The following PLEKHH2 variants were observed in gnomAD, a reference collection of about 807,000 sequenced individuals.
The protein encoded by PLEKHH2 is pleckstrin homology domain-containing family H member 2.
Under a neutral mutation model 187.9 loss-of-function variants are expected in PLEKHH2, and 129 were observed. The ratio of observed to expected loss-of-function variants is 0.69; its 90% CI spans 0.59 to 0.79. The LOEUF (loss-of-function observed/expected upper bound fraction) is 0.79, where lower values mean the gene tolerates loss of function less well. Ranked by LOEUF, PLEKHH2 falls within the 30% of genes least tolerant of loss-of-function variation. The pLI is 0.00. For missense variants in PLEKHH2, 2,076 were observed against 1,751.2 expected (o/e 1.19, Z -3.31); for synonymous variants, 686 against 605.6 (o/e 1.13, Z -1.95).
At chr2:43,644,965 C>CA (rs1252857374) in intron 2 of PLEKHH2, among the ~76,000 whole-genome samples, 169 bp downstream of exon 2, 2 of 152,112 alleles carry the variant, frequency 1.3e-5, no homozygotes. Context: ...GACTTTAAGA[C>CA]AAAAAATATT....
chr2:43,729,808 C>T, intron 18 of PLEKHH2, 63 bp downstream of exon 18: 3 of 1,155,176 alleles, frequency 2.6e-6, no homozygotes, highest in Non-Finnish European at 3.6e-6. Flanking sequence ...ACCCGCTTAG[C>T]CTAATGGAGT....
At chr2:43,648,365 T>C (rs891422531) in intron 2 of PLEKHH2, among the ~76,000 whole-genome samples, 1 of 152,016 alleles carries the variant, frequency 6.6e-6, no homozygotes, top group African/African-American at 2.4e-5. Flanking sequence ...ATTTTTGTGT[T>C]TTTAGTAGAG....
chr2:43,764,268 T>A lies in PLEKHH2; in HGVS notation c.4199T>A (p.Phe1400Tyr). The change falls in exon 29 of 30, where the codon TTT (phenylalanine) becomes TAT (tyrosine). Residue 1400 changes from phenylalanine to tyrosine, a missense_variant. Transcript: ENST00000282406. Reference protein sequence around the residue: ...VSYVYKSLMTFGGYQDDFMVV... With the variant: ...VSYVYKSLMTYGGYQDDFMVV... ...TATGTGTACAAGAGTCTAATGACCT[T>A]TGGAGGCTATCAAGATGATTTTATG... 1 of 1,581,820 alleles carries A rather than the reference T, an allele frequency of 6.3e-7. No individual in the cohort carries two copies. Among genetic ancestry groups the A allele is most frequent in the Non-Finnish European group, 8.6e-7 (1 of 1,161,028 alleles).
At chr2:43,716,744 C>A (rs930139445) in intron 15 of PLEKHH2, among the ~76,000 whole-genome samples, 2 of 152,196 alleles carry the variant, frequency 1.3e-5, no homozygotes, top group Admixed American at 1.3e-4. Flanking sequence ...TACCACGTAT[C>A]TTTCAAGATG....
chr2:43,713,976 G>T (rs985693534), intron 15 of PLEKHH2, among the ~76,000 whole-genome samples: 2 of 152,250 alleles, frequency 1.3e-5, no homozygotes, highest in South Asian at 2.1e-4. Flanking sequence ...TATGTACTAT[G>T]TTTTTTCTAA....
intron 3 of PLEKHH2, chr2:43,680,926 G>A (rs934309039): frequency 2.9e-5 from 21 of 714,910 alleles, no homozygotes; most frequent in African/African-American, 2.9e-4. Context: ...TTATGTCCAG[G>A]GCCACTTTAG....
intron 15 of PLEKHH2, among the ~76,000 whole-genome samples, chr2:43,715,672 A>G (rs750624564): frequency 2.6e-5 from 4 of 152,206 alleles, no homozygotes; most frequent in Non-Finnish European, 5.9e-5. Flanking sequence ...AGTAGAAGAG[A>G]TAAAGATGCC....
chr2:43,683,142 C>CTTTTTTTTTTTTTTTTTTTTTTTCCCTT (rs34805310), intron 3 of PLEKHH2, among the ~76,000 whole-genome samples: 1 of 94,564 alleles, frequency 1.1e-5, no homozygotes, highest in Non-Finnish European at 2.0e-5. Flanking sequence ...TTTATATACC[C>CTTTTTTTTTTTTTTTTTTTTTTTCCCTT]TTTTTTTTTT....
At chr2:43,639,195 A>G (rs908487197) in intron 1 of PLEKHH2, among the ~76,000 whole-genome samples, 1 of 152,204 alleles carries the variant, frequency 6.6e-6, no homozygotes, top group Non-Finnish European at 1.5e-5. Context: ...ATGCAGTCCT[A>G]GTATACATCC....
intron 2 of PLEKHH2, among the ~76,000 whole-genome samples, chr2:43,666,138 T>A (rs989083941): frequency 5.3e-5 from 8 of 149,744 alleles, no homozygotes; most frequent in African/African-American, 2.0e-4. Context: ...TCCGTGGGCG[T>A]AGGACCCTCC....
At chr2:43,694,763 A>C (rs1436013197) in intron 5 of PLEKHH2, among the ~76,000 whole-genome samples, 1 of 152,192 alleles carries the variant, frequency 6.6e-6, no homozygotes, top group Non-Finnish European at 1.5e-5. Context: ...TTTTAGTTCT[A>C]ATTAATTTCA....
chr2:43,653,203 A>G (rs1206064744), intron 2 of PLEKHH2, among the ~76,000 whole-genome samples: 2 of 152,196 alleles, frequency 1.3e-5, no homozygotes, highest in South Asian at 2.1e-4. Context: ...AGAACCTACC[A>G]TAACAGATTA....
intron 2 of PLEKHH2, among the ~76,000 whole-genome samples, chr2:43,654,267 T>C (rs751927774): frequency 4.6e-5 from 7 of 152,000 alleles, no homozygotes; most frequent in Non-Finnish European, 1.0e-4. Flanking sequence ...AGATCTCGGC[T>C]CACTGCAACC....
At position 43,706,337 on chromosome 2, in the gene PLEKHH2, T is replaced by C. The variant is rs1272695849; in HGVS notation, c.1742T>C (p.Leu581Pro). Residue 581 changes from leucine (L) to proline (P), a missense_variant, in exon 10 of 30, where the codon CTT (leucine) becomes CCT (proline). By Grantham distance (98) the Leu-to-Pro change is moderately conservative. Transcript: ENST00000282406. ...TCTGTTTCAGATTCTGCTGCAACCCTTTCCTATACTACATCAGGACTTTAT... is the reference window on the plus strand; with the variant it reads ...TCTGTTTCAGATTCTGCTGCAACCCCTTCCTATACTACATCAGGACTTTAT... ...ESVNKNSAAT[L>P]SYTTSGLYTS... 1 of 1,607,162 alleles carries C rather than the reference T, an allele frequency of 6.2e-7. No individual in the cohort carries two copies. The highest frequency in any genetic ancestry group is 2.2e-5 in the East Asian group (1 of 44,810).
intron 2 of PLEKHH2, among the ~76,000 whole-genome samples, chr2:43,660,678 T>C (rs926101854): frequency 8.0e-6 from 1 of 124,662 alleles, no homozygotes; most frequent in African/African-American, 3.3e-5. Context: ...GACCATGTGA[T>C]CTCATTGTTC....
chr2:43,652,771 C>G (rs993613210), intron 2 of PLEKHH2, among the ~76,000 whole-genome samples: 1 of 152,118 alleles, frequency 6.6e-6, no homozygotes, highest in Non-Finnish European at 1.5e-5. Flanking sequence ...GCCTCTAACA[C>G]GAAAGACAGG....
At chr2:43,669,244 C>T (rs893383309) in intron 2 of PLEKHH2, among the ~76,000 whole-genome samples, 1 of 152,116 alleles carries the variant, frequency 6.6e-6, no homozygotes, top group African/African-American at 2.4e-5. Context: ...ACAAAAAATA[C>T]TAGTAGCCAA....
intron 3 of PLEKHH2, chr2:43,681,623 A>G (rs12053399): frequency 0.19 from 127,503 of 688,588 alleles, 12,452 homozygotes; most frequent in Middle Eastern, 0.26. Context: ...ATATGACACA[A>G]TATGCATTTT....
intron 2 of PLEKHH2, chr2:43,676,386 G>C: frequency 7.4e-7 from 1 of 1,352,650 alleles, no homozygotes; most frequent in Non-Finnish European, 1.0e-6. Flanking sequence ...CTGGGGTCCC[G>C]CGCCTTCCGG....
Sources: gnomAD v4.1 joint callset for allele counts (sites outside exome capture counted in the v4.1 genomes callset) on GRCh38, gnomAD v4.1.1 for gene constraint, MANE v1.5 for transcripts, NCBI Gene and HGNC (gene_info 2026-07-23, HGNC 2026-07-21) for gene names.